Variants in PLXDC2 observed in about 807,000 individuals in gnomAD.
PLXDC2 encodes plexin domain containing 2, also known as plexin domain-containing protein 2.
A neutral mutation model predicts 68.9 loss-of-function variants in PLXDC2; 40 were observed. The observed-to-expected ratio is 0.58, with a 90% CI of 0.45 to 0.76. PLXDC2 has a LOEUF of 0.76. PLXDC2 is among the 30% of genes least tolerant of loss of function. The probability of loss-of-function intolerance (pLI) is 0.00; values close to 1 mark genes in which losing one functional copy is unlikely to be tolerated. For missense variants in PLXDC2, 644 were observed against 661.9 expected (o/e 0.97, Z 0.30); for synonymous variants, 243 against 234.2 (o/e 1.04, Z -0.34).
chr10:19,833,946 GC>G (rs1836741880), intron 1 of PLXDC2, among the ~76,000 whole-genome samples: 1 of 138,266 alleles, frequency 7.2e-6, no homozygotes, highest in African/African-American at 2.5e-5. Context: ...TTCATATTTT[GC>G]TTTTTTTTTT....
intron 1 of PLXDC2, among the ~76,000 whole-genome samples, chr10:19,924,403 G>T (rs760391380): frequency 2.6e-5 from 4 of 151,996 alleles, no homozygotes; most frequent in African/African-American, 4.8e-5. Context: ...TATATACCCC[G>T]TGTGTTATGT....
chr10:19,904,620 G>A (rs1292862876), intron 1 of PLXDC2, among the ~76,000 whole-genome samples: 1 of 152,194 alleles, frequency 6.6e-6, no homozygotes, highest in Non-Finnish European at 1.5e-5. Context: ...GAAGGCTGTA[G>A]CAGTGATCCA....
intron 7 of PLXDC2, among the ~76,000 whole-genome samples, chr10:20,173,426 A>G (rs1834476539): frequency 6.6e-6 from 1 of 152,196 alleles, no homozygotes; most frequent in Non-Finnish European, 1.5e-5. Context: ...ATCATGCCTC[A>G]AGGTACTCAT....
chr10:20,020,360 TC>T (rs1441563757), intron 2 of PLXDC2, among the ~76,000 whole-genome samples: 1 of 151,910 alleles, frequency 6.6e-6, no homozygotes, highest in Non-Finnish European at 1.5e-5. Context: ...AATACCAGAC[TC>T]CTAGTACATC....
intron 4 of PLXDC2, among the ~76,000 whole-genome samples, chr10:20,111,528 G>A (rs114421545): frequency 4.6e-5 from 7 of 152,108 alleles, no homozygotes; most frequent in African/African-American, 1.7e-4. Context: ...ACTAACATTT[G>A]GTTTAGTTTA....
rs755716954 is a variant in PLXDC2 at position 20,164,566 on chromosome 10, C to T, written c.882C>T (p.Pro294=). ...FVVVHRIQQI[P]NVRRRTIYEY... ...TTGTCCACAGGATCCAACAAATTCCCAGTACGTAGAAGAAGGGCAGTCGCA... is the reference window on the plus strand; with the variant it reads ...TTGTCCACAGGATCCAACAAATTCCTAGTACGTAGAAGAAGGGCAGTCGCA... Residue 294 remains proline (P), a splice_region_variant and synonymous_variant, in exon 7 of 14, where the codon CCC becomes CCT. Transcript: ENST00000377252. 3.3e-5 allele frequency: 53 copies of T among 1,607,618 alleles called. No homozygotes were observed. The highest frequency in any genetic ancestry group is 4.2e-5 in the Non-Finnish European group (49 of 1,174,562).
At chr10:19,928,691 C>T (rs1040392371) in intron 1 of PLXDC2, among the ~76,000 whole-genome samples, 3 of 149,268 alleles carry the variant, frequency 2.0e-5, no homozygotes, top group African/African-American at 4.9e-5. Context: ...CTAATTTTAT[C>T]GTAGAGATCT....
chr10:20,154,383 G>A (rs1474603332), intron 6 of PLXDC2, among the ~76,000 whole-genome samples: 1 of 152,064 alleles, frequency 6.6e-6, no homozygotes, highest in African/African-American at 2.4e-5. Context: ...TGGCAACATG[G>A]TGTAACCCTG....
chr10:19,947,384 C>T (rs1833919411), intron 1 of PLXDC2, among the ~76,000 whole-genome samples: 2 of 152,174 alleles, frequency 1.3e-5, no homozygotes, highest in Non-Finnish European at 2.9e-5. Flanking sequence ...ACTCAGAGCC[C>T]AGGCTATCAG....
chr10:20,247,926 A>G (rs867642), intron 13 of PLXDC2, among the ~76,000 whole-genome samples: 108,213 of 152,062 alleles, frequency 0.71, 39,348 homozygotes, highest in Non-Finnish European at 0.8. Context: ...TGAATTGGAA[A>G]TCTGTTATTA....
intron 1 of PLXDC2, among the ~76,000 whole-genome samples, chr10:19,894,595 C>A (rs1838023736): frequency 6.6e-6 from 1 of 152,072 alleles, no homozygotes; most frequent in Non-Finnish European, 1.5e-5. Flanking sequence ...ATTTAACTGG[C>A]ATAAGTATTT....
chr10:20,182,071 T>TG lies in PLXDC2; in HGVS notation c.1061+4662_1061+4663insG, dbSNP rs1554772998. Among the ~76,000 whole-genome samples, 554 of 146,564 alleles carry TG rather than the reference T, an allele frequency of 3.8e-3. 1 individual carries two copies. Among genetic ancestry groups the TG allele is most frequent in the African/African-American group, 0.011 (455 of 39,680 alleles). ...GGTGTTTGGGAAGGAAACCGGTTAT[T>TG]TGTGTGTGTGTGTGTGTGTGTGTGT... On this transcript the variant is annotated intron_variant, in intron 9 of 13. Transcript: ENST00000377252.
At chr10:20,199,196 C>T (rs1834884625) in intron 9 of PLXDC2, among the ~76,000 whole-genome samples, 1 of 151,906 alleles carries the variant, frequency 6.6e-6, no homozygotes, top group Non-Finnish European at 1.5e-5. Flanking sequence ...GTCATCTTGA[C>T]AGATGGAAAA....
In PLXDC2 at chr10:19,910,260, G is replaced by T. The variant is rs142027842; in HGVS notation, c.113-91515G>T. The stretch of plus-strand genomic sequence containing the variant: ...CATCTTTGGAAATTAAATGTTCATT[G>T]TCCAGGGAGTCAGGATGCTGCTGCT... On this transcript the variant is annotated intron_variant, in intron 1 of 13. Coordinates refer to ENST00000377252, the MANE Select transcript of PLXDC2 (RefSeq NM_032812.9). Among the ~76,000 whole-genome samples, 84 of 151,528 alleles carry T rather than the reference G, an allele frequency of 5.5e-4. 1 individual carries two copies. Among genetic ancestry groups the T allele is most frequent in the African/African-American group, 1.9e-3 (80 of 41,338 alleles).
intron 3 of PLXDC2, among the ~76,000 whole-genome samples, chr10:20,062,315 T>C (rs1327629960): frequency 1.3e-5 from 2 of 152,092 alleles, no homozygotes; most frequent in African/African-American, 4.8e-5. Flanking sequence ...TCCCAGCTAC[T>C]AGGGAGGCTG....
chr10:19,956,061 A>G (rs944940549), intron 1 of PLXDC2, among the ~76,000 whole-genome samples: 1 of 152,198 alleles, frequency 6.6e-6, no homozygotes, highest in Non-Finnish European at 1.5e-5. Flanking sequence ...CTTGGGTGAC[A>G]AGAGTGAAAC....
chr10:20,165,143 C>T (rs944503751), intron 7 of PLXDC2, among the ~76,000 whole-genome samples: 7 of 152,070 alleles, frequency 4.6e-5, no homozygotes, highest in African/African-American at 1.4e-4. Context: ...GGATAGTTGG[C>T]AGATACAGTT....
chr10:19,830,132 C>T (rs1836660139), intron 1 of PLXDC2, among the ~76,000 whole-genome samples: 1 of 152,120 alleles, frequency 6.6e-6, no homozygotes, highest in African/African-American at 2.4e-5. Context: ...GAGATAGAGC[C>T]ATGAAATTTG....
intron 13 of PLXDC2, among the ~76,000 whole-genome samples, chr10:20,269,701 G>A (rs184760504): frequency 4.4e-4 from 67 of 152,158 alleles, no homozygotes; most frequent in African/African-American, 1.5e-3. Flanking sequence ...TACAAGCAGC[G>A]AGAATCAGTG....
Sources: gnomAD v4.1 joint callset for allele counts (sites outside exome capture counted in the v4.1 genomes callset) on GRCh38, gnomAD v4.1.1 for gene constraint, MANE v1.5 for transcripts, NCBI Gene and HGNC (gene_info 2026-07-23, HGNC 2026-07-21) for gene names.